The following TRPM7 variants were observed in gnomAD, a reference collection of about 807,000 sequenced individuals.
The protein encoded by TRPM7 is LTRPC ion channel family member 7.
In TRPM7, 134 loss-of-function variants were observed where a neutral mutation model predicts 229.7. The observed-to-expected ratio is 0.58, with a 90% CI of 0.51 to 0.67. TRPM7 has a LOEUF of 0.67. TRPM7 is among the 30% of genes least tolerant of loss of function. The pLI is 0.00. For missense variants in TRPM7, 1,901 were observed against 2,210.0 expected, an observed-to-expected ratio of 0.86 and a Z score of 2.80; for synonymous variants, 699 against 715.2, an observed-to-expected ratio of 0.98 and a Z score of 0.36.
rs936867702 is a variant in TRPM7 at position 50,685,365 on chromosome 15, G to C, written c.3+1166C>G. Among the ~76,000 whole-genome samples the C allele has an allele frequency of 2.0e-5, 3 of 152,250 alleles. No individual in the cohort carries two copies. In the East Asian group the frequency reaches 5.8e-4, roughly 29 times the overall value. On this transcript the variant is annotated intron_variant, in intron 1 of 38. Coordinates refer to ENST00000646667, the MANE Select transcript of TRPM7 (RefSeq NM_017672.6). ...CCAGCTACTCGGGAGCCTGAGGCAG[G>C]AGAATCGCCTGAATCCCGGAGGCGG...
At chr15:50,632,241 T>A (rs1481799862) in intron 9 of TRPM7, among the ~76,000 whole-genome samples, 1 of 151,534 alleles carries the variant, frequency 6.6e-6, no homozygotes, top group African/African-American at 2.4e-5. Flanking sequence ...TGCAGTGAGC[T>A]GAGATTGCAC....
chr15:50,590,794 C>T (rs528645655), intron 26 of TRPM7, among the ~76,000 whole-genome samples: 4 of 150,904 alleles, frequency 2.7e-5, no homozygotes, highest in East Asian at 1.9e-4. Context: ...ACTGCACTCC[C>T]GCCTGGGCGA....
At position 50,591,794 on chromosome 15, in the gene TRPM7, A is replaced by G. The variant is rs2059500812; in HGVS notation, c.4324+117T>C. ...ATCACAGGTGTCTGATTCTTTTTAA[A>G]AATTTTATAATTATACTCTATGAAA... On this transcript the variant is annotated intron_variant, in intron 26 of 38. Coordinates refer to ENST00000646667, the MANE Select transcript of TRPM7 (RefSeq NM_017672.6). The G allele has an allele frequency of 5.0e-6, 4 of 804,464 alleles. No homozygotes were observed. In the East Asian group the frequency reaches 1.2e-4, roughly 25 times the overall value. The allele number at this position is 804,464 out of a possible 1,614,324, so 49.8% of individuals were successfully genotyped here. A position where few individuals can be genotyped will look rare whatever the true frequency, so the allele number is the denominator to read the frequency against.
At chr15:50,621,574 C>T (rs779999224) in intron 12 of TRPM7, among the ~76,000 whole-genome samples, 4 of 152,104 alleles carry the variant, frequency 2.6e-5, no homozygotes, top group African/African-American at 7.2e-5. Context: ...CTTATTCTCT[C>T]AGTGTTTGGT....
intron 19 of TRPM7, among the ~76,000 whole-genome samples, chr15:50,607,547 C>A (rs141972975): frequency 6.6e-6 from 1 of 152,104 alleles, no homozygotes; most frequent in African/African-American, 2.4e-5. Flanking sequence ...ACGTGTTGTT[C>A]TACAACTCTT....
At chr15:50,608,463 G>C (rs1566998602) in intron 19 of TRPM7, among the ~76,000 whole-genome samples, 1 of 150,710 alleles carries the variant, frequency 6.6e-6, no homozygotes, top group African/African-American at 2.4e-5. Context: ...CTGCAGTAAA[G>C]AAAGAAAAGA....
In TRPM7 at chr15:50,609,819, T is replaced by C. The variant is rs2060020129; in HGVS notation, c.2423A>G (p.Glu808Gly). Residue 808 changes from glutamate (E) to glycine (G), a missense_variant, in exon 18 of 39, where the codon GAA (glutamate) becomes GGA (glycine). Physicochemically the swap from Glu to Gly is moderately conservative, Grantham distance 98. Transcript: ENST00000646667. ...TTTCCTGCTTACCATGGGGATCTCT[T>C]CTGTTATGTTCTGAAAGTTGTTTTC... ...DSENNFQNIT[E>G]EIPMEVFKEV... The C allele has an allele frequency of 1.9e-6, 3 of 1,612,550 alleles. No homozygotes were observed. Among genetic ancestry groups the C allele is most frequent in the African/African-American group, 1.3e-5 (1 of 75,020 alleles).
At position 50,574,846 on chromosome 15, in the gene TRPM7, A is replaced by T; in HGVS notation, c.5019+6T>A. 1 of 1,607,164 alleles carries T rather than the reference A, an allele frequency of 6.2e-7. No homozygotes were observed. Among genetic ancestry groups the T allele is most frequent in the Non-Finnish European group, 8.5e-7 (1 of 1,176,414 alleles). On this transcript the variant is annotated splice_donor_region_variant and intron_variant, in intron 34 of 38. Transcript: ENST00000646667. ...GTTCCACTATTAAATATTCACTGAC[A>T]CTTACTCTCAGACAGAGATGCAGAA...
chr15:50,681,294 A>ACACACACACACACACACACACAC (rs1567131460), intron 1 of TRPM7, among the ~76,000 whole-genome samples: 1 of 101,912 alleles, frequency 9.8e-6, no homozygotes, highest in Non-Finnish European at 2.0e-5. Context: ...CACACACACA[A>ACACACACACACACACACACACAC]AGCATTCAGA....
At chr15:50,584,616 GTT>G (rs78772652) in intron 28 of TRPM7, among the ~76,000 whole-genome samples, 6 of 133,888 alleles carry the variant, frequency 4.5e-5, no homozygotes, top group Non-Finnish European at 4.8e-5. Flanking sequence ...TCAGATTTCT[GTT>G]TTTTTTTTTT....
chr15:50,558,609 C>T lies in TRPM7; in HGVS notation c.*3069G>A, dbSNP rs2053206004. The T allele has an allele frequency of 6.6e-6, 1 of 152,066 alleles. No homozygotes were observed. Among genetic ancestry groups the T allele is most frequent in the South Asian group, 2.1e-4 (1 of 4,826 alleles). 9.4% of individuals were successfully genotyped at this position (152,066 alleles called of 1,614,324 possible). A position where few individuals can be genotyped will look rare whatever the true frequency, so the allele number is the denominator to read the frequency against. On this transcript the variant is annotated 3_prime_UTR_variant, in exon 39 of 39. Transcript: ENST00000646667. ...TTTGGAGGCTGAAGCACGAGAATTG[C>T]TTGATCTTGGGAGGCAGAGGTTGCA...
intron 1 of TRPM7, among the ~76,000 whole-genome samples, chr15:50,680,917 G>C (rs2062228214): frequency 6.6e-6 from 1 of 152,200 alleles, no homozygotes; most frequent in African/African-American, 2.4e-5. Context: ...ATAAATAATG[G>C]AGAAAACAGT....
At chr15:50,628,420 G>A (rs1231176739) in intron 10 of TRPM7, among the ~76,000 whole-genome samples, 171 bp from the exon 11 acceptor site, 2 of 151,664 alleles carry the variant, frequency 1.3e-5, no homozygotes, top group African/African-American at 2.4e-5. Flanking sequence ...TGTACCTCCC[G>A]CCTTAGCCTC....
At position 50,571,522 on chromosome 15, in the gene TRPM7, TAAAG is replaced by T. The variant is rs775289863; in HGVS notation, c.5309-1371_5309-1368del. On this transcript the variant is annotated intron_variant, in intron 36 of 38. Coordinates refer to ENST00000646667, the MANE Select transcript of TRPM7 (RefSeq NM_017672.6). ...CACTATAGACTATCACGCAGCTTAC[TAAAG>T]AAATAACTCTAGAAAATGCCTATGA... Among the ~76,000 whole-genome samples, 3 of 149,338 alleles carry T rather than the reference TAAAG, an allele frequency of 2.0e-5. No homozygotes were observed. In the East Asian group the frequency reaches 5.9e-4, roughly 29 times the overall value.
chr15:50,570,048 A>G, intron 37 of TRPM7, 55 bp from the exon 38 acceptor site: 1 of 1,584,348 alleles, frequency 6.3e-7, no homozygotes, highest in Non-Finnish European at 8.6e-7. Context: ...CAGTTTATAC[A>G]GGTACAAATA....
intron 10 of TRPM7, among the ~76,000 whole-genome samples, chr15:50,628,684 C>T (rs1286799275): frequency 6.6e-6 from 1 of 152,176 alleles, no homozygotes; most frequent in Non-Finnish European, 1.5e-5. Flanking sequence ...AAGTAGCCTG[C>T]CTCAGAGATA....
chr15:50,678,807 A>G (rs1165042862), intron 1 of TRPM7, among the ~76,000 whole-genome samples: 1 of 152,138 alleles, frequency 6.6e-6, no homozygotes, highest in Admixed American at 6.6e-5. Flanking sequence ...AGGCAAGAGG[A>G]CCACTTAAGC....
Position 50,604,935 on chromosome 15 carries a change from A to G in TRPM7, c.2919T>C (p.Tyr973=). 1 of 1,613,630 alleles carries G rather than the reference A, an allele frequency of 6.2e-7. No homozygotes were observed. The highest frequency in any genetic ancestry group is 8.5e-7 in the Non-Finnish European group (1 of 1,179,768). The change falls in exon 21 of 39, where the codon TAT becomes TAC. Residue 973 remains tyrosine, a synonymous_variant. Coordinates refer to ENST00000646667, the MANE Select transcript of TRPM7 (RefSeq NM_017672.6). The part of the protein sequence containing the change: ...LIYCLNIIFW[Y]VRLLDFLAVN... ...CAGCTAGAAAATCTAGCAAACGCAC[A>G]TACCAAAATATTATGTTAAGACAGT...
chr15:50,590,400 T>G (rs1458373348), intron 26 of TRPM7, among the ~76,000 whole-genome samples: 2 of 152,174 alleles, frequency 1.3e-5, no homozygotes, highest in Non-Finnish European at 2.9e-5. Context: ...TTTAATGACC[T>G]TAATGAAAAC....
Sources: allele counts gnomAD v4.1 joint callset (sites outside exome capture counted in the v4.1 genomes callset), GRCh38; gene constraint gnomAD v4.1.1; transcripts MANE v1.5; gene names NCBI Gene and HGNC (gene_info 2026-07-23, HGNC 2026-07-21).